The following AKT2 variants were observed in gnomAD, a reference collection of about 807,000 sequenced individuals.
AKT2 encodes RAC-beta serine/threonine-protein kinase.
Under a neutral mutation model 58.6 loss-of-function variants are expected in AKT2, and 16 were observed. The ratio of observed to expected loss-of-function variants is 0.27; its 90% CI spans 0.18 to 0.41. The LOEUF (loss-of-function observed/expected upper bound fraction) is 0.41, where lower values mean the gene tolerates loss of function less well. Ranked by LOEUF, AKT2 falls within the 10% of genes least tolerant of loss-of-function variation. The pLI is 1.00. For synonymous variants in AKT2, 253 were observed against 254.0 expected, an observed-to-expected ratio of 1.00 and a Z score of 0.04; for missense variants, 438 against 661.0, an observed-to-expected ratio of 0.66 and a Z score of 3.70.
intron 1 of AKT2, chr19:40,266,316 G>C (rs972374338): frequency 3.9e-5 from 6 of 152,318 alleles, no homozygotes; most frequent in African/African-American, 1.4e-4. Flanking sequence ...GCCCAGAGAA[G>C]TGGCAGCTGG....
intron 1 of AKT2, among the ~76,000 whole-genome samples, chr19:40,278,415 C>T (rs1012407048): frequency 9.9e-5 from 15 of 152,258 alleles, no homozygotes; most frequent in South Asian, 4.1e-4. Context: ...GAACTACTCA[C>T]GAGAATGACC....
intron 4 of AKT2, among the ~76,000 whole-genome samples, chr19:40,253,302 C>T (rs1300894201): frequency 6.6e-6 from 1 of 152,054 alleles, no homozygotes; most frequent in Non-Finnish European, 1.5e-5. Flanking sequence ...TGAAACCTTA[C>T]CCCATAGATA....
chr19:40,240,431 C>A, intron 6 of AKT2: 1 of 552,518 alleles, frequency 1.8e-6, no homozygotes, highest in Non-Finnish European at 3.5e-6. Context: ...GGTGCCACCA[C>A]AGGCTGTGGG....
chr19:40,235,504 C>A lies in AKT2; in HGVS notation c.1176-154G>T. 1 of 766,048 alleles carries A rather than the reference C, an allele frequency of 1.3e-6. No homozygotes were observed. The highest frequency in any genetic ancestry group is 2.2e-6 in the Non-Finnish European group (1 of 450,580). The allele number at this position is 766,048 out of a possible 1,614,324, so 47.5% of individuals were successfully genotyped here. A position where few individuals can be genotyped will look rare whatever the true frequency, so the allele number is the denominator to read the frequency against. On this transcript the variant is annotated intron_variant, in intron 11 of 13. Transcript: ENST00000392038. The surrounding 1 kb of genome is among the most constrained non-coding windows in gnomAD (Gnocchi z 6.3). ...AGGAAACCGAGGCTCAGGGAGGGAG[C>A]TCACGTGCCCAGGGTCAGAGCCAGG...
intron 4 of AKT2, among the ~76,000 whole-genome samples, chr19:40,249,380 T>C (rs529952318): frequency 1.3e-5 from 2 of 152,272 alleles, no homozygotes; most frequent in African/African-American, 2.4e-5. Flanking sequence ...AGTGCCTTCA[T>C]GTTTACTTCC....
chr19:40,233,089 G>A lies in AKT2; in HGVS notation c.*783C>T, dbSNP rs1298560641. On this transcript the variant is annotated 3_prime_UTR_variant, in exon 14 of 14. Transcript: ENST00000392038. This position sits in a 1 kb window ranked among gnomAD's most constrained non-coding sequence, Gnocchi z 4.3. ...CCAGGCCAGGCCCAGGGTCCAGCGG[G>A]AGGTAAGGCCAGCTGGAAGGAAGCC... The A allele has an allele frequency of 4.2e-6, 1 of 237,762 alleles. No homozygotes were observed. The highest frequency in any genetic ancestry group is 2.2e-5 in the African/African-American group (1 of 45,384). The allele number at this position is 237,762 out of a possible 1,614,324, so 14.7% of individuals were successfully genotyped here. A position where few individuals can be genotyped will look rare whatever the true frequency, so the allele number is the denominator to read the frequency against.
At chr19:40,275,499 T>TG in intron 1 of AKT2, 1 of 366,676 alleles carries the variant, frequency 2.7e-6, no homozygotes, top group South Asian at 2.0e-5. Context: ...GTTCCTCACA[T>TG]GGGAAAACTG....
chr19:40,283,369 G>C (rs538639772), intron 1 of AKT2, among the ~76,000 whole-genome samples: 1 of 152,326 alleles, frequency 6.6e-6, no homozygotes, highest in Non-Finnish European at 1.5e-5. Context: ...CCCTCTAAAA[G>C]CTGGCAGGAG....
chr19:40,280,997 G>A (rs2077413394), intron 1 of AKT2, among the ~76,000 whole-genome samples: 1 of 152,216 alleles, frequency 6.6e-6, no homozygotes, highest in Non-Finnish European at 1.5e-5. Flanking sequence ...ATGCAACGCT[G>A]GCACATACGA....
intron 4 of AKT2, among the ~76,000 whole-genome samples, chr19:40,250,008 C>T (rs7247515): frequency 0.11 from 17,381 of 152,048 alleles, 1,441 homozygotes; most frequent in African/African-American, 0.23. Flanking sequence ...GCGCTGAGGC[C>T]CTCGGGCAAG....
intron 3 of AKT2, among the ~76,000 whole-genome samples, chr19:40,256,074 G>A (rs775794043): frequency 6.6e-6 from 1 of 152,196 alleles, no homozygotes; most frequent in African/African-American, 2.4e-5. Context: ...GTCAGGTTGG[G>A]ATGTGGCACT....
intron 2 of AKT2, among the ~76,000 whole-genome samples, chr19:40,259,004 A>G (rs990352065): frequency 6.6e-6 from 1 of 152,224 alleles, no homozygotes; most frequent in African/African-American, 2.4e-5. Flanking sequence ...TTCAAAATTT[A>G]CTATACAAAG....
intron 1 of AKT2, among the ~76,000 whole-genome samples, chr19:40,271,216 T>C (rs541393024): frequency 1.4e-5 from 2 of 145,088 alleles, no homozygotes; most frequent in South Asian, 2.1e-4. Flanking sequence ...TACATACATA[T>C]ATATATATAT....
intron 1 of AKT2, chr19:40,275,543 C>T (rs549819990): frequency 2.8e-6 from 1 of 357,566 alleles, no homozygotes; most frequent in East Asian, 7.4e-5. Context: ...CACACAGTCA[C>T]AGCGAGTAGG....
In AKT2 at chr19:40,232,867, G is replaced by A. The variant is rs374680122; in HGVS notation, c.*1005C>T. On this transcript the variant is annotated 3_prime_UTR_variant, in exon 14 of 14. Coordinates refer to ENST00000392038, the MANE Select transcript of AKT2 (RefSeq NM_001626.6). ...GAACGTGGGGCCCTGGGGAGAGGGA[G>A]GGGTGAGGGGGGCCTAGGAGCCTCC... 97 of 237,254 alleles carry A rather than the reference G, an allele frequency of 4.1e-4. No individual in the cohort carries two copies. The highest frequency in any genetic ancestry group is 2.0e-3 in the African/African-American group (92 of 45,596). The allele number at this position is 237,254 out of a possible 1,614,324, so 14.7% of individuals were successfully genotyped here.
Position 40,233,855 on chromosome 19 carries a change from C to T in AKT2, c.*17G>A. On this transcript the variant is annotated 3_prime_UTR_variant, in exon 14 of 14. Coordinates refer to ENST00000392038, the MANE Select transcript of AKT2 (RefSeq NM_001626.6). The surrounding 1 kb of genome is among the most constrained non-coding windows in gnomAD (Gnocchi z 4.3). ...GGTGATGGCAGCGAGCGTGCGTCCT[C>T]TGCGTGGGCAGACTGCTCACTCGCG... 6.2e-7 allele frequency: 1 copy of T among 1,609,308 alleles called. No homozygotes were observed. Among genetic ancestry groups the T allele is most frequent in the South Asian group, 1.1e-5 (1 of 91,054 alleles).
At chr19:40,240,257 C>T in intron 6 of AKT2, 147 bp from the exon 7 acceptor site, 1 of 908,588 alleles carries the variant, frequency 1.1e-6, no homozygotes, top group South Asian at 1.3e-5. Flanking sequence ...TGAAAGCCTG[C>T]AAACCCTCAG....
intron 1 of AKT2, chr19:40,284,936 C>T (rs1056885547): frequency 1.5e-5 from 5 of 333,192 alleles, no homozygotes; most frequent in Non-Finnish European, 2.7e-5. Flanking sequence ...CTGCGCTCCC[C>T]GTCCCGCAAA....
chr19:40,277,706 G>C (rs995893073), intron 1 of AKT2, among the ~76,000 whole-genome samples: 3 of 152,110 alleles, frequency 2.0e-5, no homozygotes, highest in South Asian at 2.1e-4. Context: ...CATCACAGGG[G>C]CTCCTCAGCA....
Sources: gnomAD v4.1 joint callset for allele counts (sites outside exome capture counted in the v4.1 genomes callset) on GRCh38, gnomAD v4.1.1 for gene constraint, Gnocchi (gnomAD v3.1) non-coding constraint, MANE v1.5 for transcripts, NCBI Gene and HGNC (gene_info 2026-07-23, HGNC 2026-07-21) for gene names.